The following STARD13 variants were observed in gnomAD, a reference collection of about 807,000 sequenced individuals.
STARD13 encodes the protein stAR-related lipid transfer protein 13.
In STARD13, 62 loss-of-function variants were observed where a neutral mutation model predicts 106.4. The observed-to-expected ratio is 0.58, with a 90% CI of 0.48 to 0.72. The LOEUF is 0.72. Among genes scored for constraint, STARD13 ranks in the 30% least tolerant of loss-of-function variants. The probability of loss-of-function intolerance (pLI) is 0.00; values close to 1 mark genes in which losing one functional copy is unlikely to be tolerated. For missense variants in STARD13, 1,387 were observed against 1,424.0 expected (o/e 0.97, Z 0.42); for synonymous variants, 565 against 553.0 (o/e 1.02, Z -0.31).
At chr13:33,109,630 CTG>C (rs1048795233) in intron 12 of STARD13, among the ~76,000 whole-genome samples, 120 of 152,344 alleles carry the variant, frequency 7.9e-4, no homozygotes, top group African/African-American at 2.7e-3. Flanking sequence ...GCCTAATAAA[CTG>C]TGTGCTCCAC....
At chr13:33,296,315 C>T (rs1439228592) in intron 1 of STARD13, among the ~76,000 whole-genome samples, 2 of 152,072 alleles carry the variant, frequency 1.3e-5, no homozygotes, top group Non-Finnish European at 1.5e-5. Context: ...CAGACATCAT[C>T]ACGCAATGTA....
chr13:33,360,444 T>C, the STARD13 span, among the ~76,000 whole-genome samples: 1 of 151,784 alleles, frequency 6.6e-6, no homozygotes, highest in Non-Finnish European at 1.5e-5. Flanking sequence ...GACCTTGTGA[T>C]CCACACACCT....
chr13:33,665,986 C>A, the STARD13 span, among the ~76,000 whole-genome samples: 1 of 152,088 alleles, frequency 6.6e-6, no homozygotes, highest in African/African-American at 2.4e-5. Flanking sequence ...CTGGAATGAA[C>A]CAAGGCACAA....
chr13:33,389,552 T>C, the STARD13 span, among the ~76,000 whole-genome samples: 1 of 152,290 alleles, frequency 6.6e-6, no homozygotes, highest in South Asian at 2.1e-4. Flanking sequence ...TGTAATAATA[T>C]GGGTTTACAA....
the STARD13 span, among the ~76,000 whole-genome samples, chr13:33,528,689 C>A: frequency 6.6e-6 from 1 of 152,206 alleles, no homozygotes; most frequent in African/African-American, 2.4e-5. Flanking sequence ...ACCACTGATT[C>A]CACATCTGAG....
At chr13:33,404,190 A>G in the STARD13 span, among the ~76,000 whole-genome samples, 1 of 152,232 alleles carries the variant, frequency 6.6e-6, no homozygotes, top group Non-Finnish European at 1.5e-5. Context: ...AGATGAAGGA[A>G]CTATATGGTA....
At chr13:33,619,757 T>A in the STARD13 span, among the ~76,000 whole-genome samples, 9 of 152,132 alleles carry the variant, frequency 5.9e-5, no homozygotes, top group Admixed American at 6.6e-5. Context: ...ATATCAATAA[T>A]AATATTAGAT....
chr13:33,596,508 A>G, the STARD13 span, among the ~76,000 whole-genome samples: 1 of 152,178 alleles, frequency 6.6e-6, no homozygotes, highest in Non-Finnish European at 1.5e-5. Context: ...AAATCAGGGC[A>G]TTTAGGACAT....
intron 8 of STARD13, among the ~76,000 whole-genome samples, chr13:33,116,421 G>C (rs912869010): frequency 3.9e-5 from 6 of 152,134 alleles, no homozygotes; most frequent in African/African-American, 7.2e-5. Flanking sequence ...TCAATTGTAA[G>C]ATCCTTAAGA....
the STARD13 span, among the ~76,000 whole-genome samples, chr13:33,633,161 CT>C: frequency 6.6e-6 from 1 of 152,188 alleles, no homozygotes; most frequent in African/African-American, 2.4e-5. Context: ...GCATTTGACC[CT>C]TGTGGGTACT....
chr13:33,320,996 A>T (rs1274637606), intron 1 of STARD13, among the ~76,000 whole-genome samples: 2 of 152,192 alleles, frequency 1.3e-5, no homozygotes, highest in Non-Finnish European at 2.9e-5. Flanking sequence ...GATTTCAGAG[A>T]CTATTATAAG....
chr13:33,190,291 C>A (rs1886147425), intron 1 of STARD13, among the ~76,000 whole-genome samples: 2 of 152,022 alleles, frequency 1.3e-5, no homozygotes, highest in Admixed American at 6.5e-5. Flanking sequence ...AAGAATTTAG[C>A]CCGGATGTGG....
chr13:33,494,734 T>A, the STARD13 span, among the ~76,000 whole-genome samples: 3 of 152,106 alleles, frequency 2.0e-5, no homozygotes, highest in Non-Finnish European at 4.4e-5. Context: ...ACTTTTTTTT[T>A]TTATTTCACT....
chr13:33,573,706 A>G, the STARD13 span, among the ~76,000 whole-genome samples: 1 of 152,168 alleles, frequency 6.6e-6, no homozygotes, highest in African/African-American at 2.4e-5. Context: ...TCTATAAATC[A>G]TCTCATAATA....
chr13:33,350,581 C>T (rs988279091), exon 1 of STARD13: 17 of 1,388,340 alleles, frequency 1.2e-5, no homozygotes, highest in Admixed American at 9.5e-5. Context: ...GGCTGCGCCA[C>T]GCGCGAGGAC....
the STARD13 span, among the ~76,000 whole-genome samples, chr13:33,362,466 C>A: frequency 5.9e-5 from 9 of 152,274 alleles, no homozygotes; most frequent in Admixed American, 1.3e-4. Flanking sequence ...AAGGGAAAAA[C>A]GACAAGTTCA....
At chr13:33,358,629 GA>G in the STARD13 span, among the ~76,000 whole-genome samples, 1 of 151,568 alleles carries the variant, frequency 6.6e-6, no homozygotes, top group South Asian at 2.1e-4. Context: ...CAGGGACTGT[GA>G]ATACACCAAT....
chr13:33,236,393 G>A lies in STARD13; in HGVS notation c.169+49077C>T, dbSNP rs143470443. Among the ~76,000 whole-genome samples the A allele has an allele frequency of 1.5e-4, 23 of 152,320 alleles. 1 individual carries two copies. Among genetic ancestry groups the A allele is most frequent in the Non-Finnish European group, 3.2e-4 (22 of 68,022 alleles). ...CAGGTGCGAGGAGTTCCCTGGGTTCGGTGGAAACGCATGGCTGCGTGAGTG... is the reference window on the plus strand; with the variant it reads ...CAGGTGCGAGGAGTTCCCTGGGTTCAGTGGAAACGCATGGCTGCGTGAGTG... On this transcript the variant is annotated intron_variant, in intron 1 of 13. Transcript: ENST00000336934.
At chr13:33,246,258 A>G (rs544550127) in intron 1 of STARD13, among the ~76,000 whole-genome samples, 1 of 152,356 alleles carries the variant, frequency 6.6e-6, no homozygotes, top group South Asian at 2.1e-4. Flanking sequence ...CTTAAGATGA[A>G]TAAGTGGCTG....
Sources: allele counts gnomAD v4.1 joint callset (sites outside exome capture counted in the v4.1 genomes callset), GRCh38; gene constraint gnomAD v4.1.1; transcripts MANE v1.5; gene names NCBI Gene and HGNC (gene_info 2026-07-23, HGNC 2026-07-21).